MTURN: variants seen among roughly 807,000 people sequenced by gnomAD.
The protein encoded by MTURN is maturin.
In MTURN, 7 loss-of-function variants were observed where a neutral mutation model predicts 14.9. The observed-to-expected ratio is 0.47, with a 90% CI of 0.27 to 0.88. The LOEUF (loss-of-function observed/expected upper bound fraction) is 0.88. Ranked by LOEUF, MTURN falls within the 40% of genes least tolerant of loss-of-function variation. The probability of loss-of-function intolerance (pLI) is 0.14; values close to 1 mark genes in which losing one functional copy is unlikely to be tolerated. For missense variants in MTURN, 151 were observed against 174.1 expected (o/e 0.87, Z 0.75); for synonymous variants, 69 against 72.5 (o/e 0.95, Z 0.25).
intron 2 of MTURN, among the ~76,000 whole-genome samples, chr7:30,151,347 A>G (rs1370194506): frequency 1.3e-5 from 2 of 152,112 alleles, no homozygotes; most frequent in African/African-American, 4.8e-5. Flanking sequence ...AGAACCTTGC[A>G]TTTTTCTTAA....
Position 30,157,430 on chromosome 7 carries a change from C to T in MTURN, c.286-8C>T, listed in dbSNP as rs201716148. ...CACAGCTGCTTTTCTCTTGTTCTCT[C>T]CCTGTAGTTACTGGGGCTTCCGGAT... On this transcript the variant is annotated splice_polypyrimidine_tract_variant and splice_region_variant and intron_variant, in intron 2 of 2. Transcript: ENST00000324453. 630 of 1,589,006 alleles carry T rather than the reference C, an allele frequency of 4.0e-4. 1 individual carries two copies. Among genetic ancestry groups the T allele is most frequent in the Non-Finnish European group, 4.2e-4 (494 of 1,169,660 alleles).
At chr7:30,136,176 C>A (rs1394964306) in intron 1 of MTURN, among the ~76,000 whole-genome samples, 1 of 152,204 alleles carries the variant, frequency 6.6e-6, no homozygotes. Context: ...GACGGGGAAT[C>A]CCCTCAGCCC....
chr7:30,152,582 G>C (rs67759737), intron 2 of MTURN, among the ~76,000 whole-genome samples: 18,642 of 152,126 alleles, frequency 0.12, 1,229 homozygotes, highest in African/African-American at 0.16. Flanking sequence ...GGAGTCCCTG[G>C]AAGGTACATA....
chr7:30,157,216 C>G (rs1245489120), intron 2 of MTURN, among the ~76,000 whole-genome samples: 1 of 152,154 alleles, frequency 6.6e-6, no homozygotes, highest in Non-Finnish European at 1.5e-5. Flanking sequence ...TAGAGACTCT[C>G]CAGGCTCCCC....
chr7:30,153,729 A>AT (rs902666547), intron 2 of MTURN, among the ~76,000 whole-genome samples: 52 of 151,930 alleles, frequency 3.4e-4, no homozygotes, highest in African/African-American at 1.2e-3. Flanking sequence ...ATTTTATTTT[A>AT]TTTTTTTAGA....
intron 2 of MTURN, among the ~76,000 whole-genome samples, chr7:30,149,906 C>G (rs531513991): frequency 2.0e-5 from 3 of 152,176 alleles, no homozygotes; most frequent in Non-Finnish European, 4.4e-5. Context: ...TCTACTGGTT[C>G]TTGGGAGAGC....
At chr7:30,156,213 G>A (rs1300116712) in intron 2 of MTURN, among the ~76,000 whole-genome samples, 1 of 152,078 alleles carries the variant, frequency 6.6e-6, no homozygotes, top group African/African-American at 2.4e-5. Context: ...TTTAAAAAAC[G>A]ATGTTTATTT....
At chr7:30,145,588 A>G (rs953427635) in intron 1 of MTURN, among the ~76,000 whole-genome samples, 3 of 152,222 alleles carry the variant, frequency 2.0e-5, no homozygotes, top group Non-Finnish European at 2.9e-5. Flanking sequence ...ATGTCCTTTT[A>G]AAGCATTTTA....
chr7:30,140,415 G>GTGTATATATATATATATATATATATA (rs33952294), intron 1 of MTURN, among the ~76,000 whole-genome samples: 158 of 143,808 alleles, frequency 1.1e-3, no homozygotes, highest in African/African-American at 3.4e-3. Flanking sequence ...GTGTGTGTGT[G>GTGTATATATATATATATATATATATA]TATCCCCATT....
intron 2 of MTURN, among the ~76,000 whole-genome samples, chr7:30,148,040 G>T: frequency 6.6e-6 from 1 of 152,182 alleles, no homozygotes; most frequent in East Asian, 1.9e-4. Flanking sequence ...TGCTCCAGTG[G>T]GGGGAGACAG....
At chr7:30,143,178 G>T (rs779269562) in intron 1 of MTURN, among the ~76,000 whole-genome samples, 4 of 152,200 alleles carry the variant, frequency 2.6e-5, no homozygotes, top group African/African-American at 9.6e-5. Context: ...TGAAGAGCAC[G>T]TCTGTTTTAT....
At chr7:30,141,692 TTC>T (rs1797055408) in intron 1 of MTURN, among the ~76,000 whole-genome samples, 1 of 152,096 alleles carries the variant, frequency 6.6e-6, no homozygotes, top group African/African-American at 2.4e-5. Flanking sequence ...CCAGCTATTT[TTC>T]TTATTTTTTG....
At chr7:30,143,690 G>T (rs144294652) in intron 1 of MTURN, among the ~76,000 whole-genome samples, 1 of 152,162 alleles carries the variant, frequency 6.6e-6, no homozygotes, top group Admixed American at 6.5e-5. Flanking sequence ...AGGCCCTTTC[G>T]TGGGTATTAA....
intron 2 of MTURN, among the ~76,000 whole-genome samples, 186 bp downstream of exon 2, chr7:30,146,485 G>A (rs955187584): frequency 3.9e-5 from 6 of 152,160 alleles, no homozygotes; most frequent in African/African-American, 9.7e-5. Context: ...GACGGGATGT[G>A]ACACAGCTGT....
In MTURN at chr7:30,135,223, C is replaced by A; in HGVS notation, c.87C>A (p.Arg29=). ...TCATCGCCACCGAGGAGACCGAACG[C>A]AGGATGGATTTCTACGCCGACCCCG... ...FELIATEETE[R]RMDFYADPGV... Residue 29 remains arginine (R), a synonymous_variant, in exon 1 of 3, where the codon CGC becomes CGA. Transcript: ENST00000324453. 1 of 1,519,928 alleles carries A rather than the reference C, an allele frequency of 6.6e-7. No individual in the cohort carries two copies. The highest frequency in any genetic ancestry group is 2.8e-5 in the East Asian group (1 of 35,640). The allele number at this position is 1,519,928 out of a possible 1,614,324, so 94.2% of individuals were successfully genotyped here. A position where few individuals can be genotyped will look rare whatever the true frequency, so the allele number is the denominator to read the frequency against.
Position 30,135,075 on chromosome 7 carries a change from C to T in MTURN, c.-62C>T, listed in dbSNP as rs1017971841. 3.1e-5 allele frequency: 40 copies of T among 1,281,154 alleles called. No homozygotes were observed. The African/African-American group carries it at 5.6e-4, about 18-fold the overall frequency. 79.4% of individuals were successfully genotyped at this position (1,281,154 alleles called of 1,614,324 possible). A position where few individuals can be genotyped will look rare whatever the true frequency, so the allele number is the denominator to read the frequency against. On this transcript the variant is annotated 5_prime_UTR_variant, in exon 1 of 3. Transcript: ENST00000324453. ...CGAGCCGAGCGCCGCGCTGCCCGCC[C>T]GGGAGGAGGGCGCCTAGGAGCGGGA...
chr7:30,141,673 C>T (rs985565536), intron 1 of MTURN, among the ~76,000 whole-genome samples: 1 of 152,100 alleles, frequency 6.6e-6, no homozygotes, highest in African/African-American at 2.4e-5. Context: ...CAGGTGCGCA[C>T]CACCACACCC....
chr7:30,138,516 T>C lies in MTURN; in HGVS notation c.162+3218T>C, dbSNP rs76917389. On this transcript the variant is annotated intron_variant, in intron 1 of 2. Coordinates refer to ENST00000324453, the MANE Select transcript of MTURN (RefSeq NM_152793.3). Reference sequence around the variant, plus strand: ...GTATCTAAAGTAGGGGCAGCTTAGATAGTCTAAGCCACTGTCATTTTTCAT... The same window carrying C: ...GTATCTAAAGTAGGGGCAGCTTAGACAGTCTAAGCCACTGTCATTTTTCAT... 2.5e-3 allele frequency among the ~76,000 whole-genome samples: 383 copies of C among 152,236 alleles called. 2 individuals are homozygous for C. The highest frequency in any genetic ancestry group is 4.4e-3 in the Non-Finnish European group (299 of 68,032).
rs1413794650 is a variant in MTURN at position 30,161,347 on chromosome 7, C to G, written c.*3799C>G. 6.6e-6 allele frequency: 1 copy of G among 152,222 alleles called. No individual in the cohort carries two copies. Among genetic ancestry groups the G allele is most frequent in the Non-Finnish European group, 1.5e-5 (1 of 68,040 alleles). The allele number at this position is 152,222 out of a possible 1,614,324, so 9.4% of individuals were successfully genotyped here. ...TCACGGCTGTCTCACTGGGGGCCTG[C>G]TTTCCTCAAAGGAACTGACTGTATG... On this transcript the variant is annotated 3_prime_UTR_variant, in exon 3 of 3. Transcript: ENST00000324453.
Sources: allele counts gnomAD v4.1 joint callset (sites outside exome capture counted in the v4.1 genomes callset), GRCh38; gene constraint gnomAD v4.1.1; transcripts MANE v1.5; gene names NCBI Gene and HGNC (gene_info 2026-07-23, HGNC 2026-07-21).